Variants in MTHFD1L observed in about 807,000 individuals in gnomAD.
MTHFD1L encodes monofunctional C1-tetrahydrofolate synthase, mitochondrial.
MTHFD1L carries 81 observed loss-of-function variants against 119.5 expected under a neutral mutation model. That is an observed-to-expected ratio of 0.68 (90% confidence interval 0.57 to 0.82). MTHFD1L has a LOEUF of 0.82. Ranked by LOEUF, MTHFD1L falls within the 40% of genes least tolerant of loss-of-function variation. MTHFD1L has a pLI of 0.00. For missense variants in MTHFD1L, 1,125 were observed against 1,253.4 expected (o/e 0.90, Z 1.55); for synonymous variants, 430 against 475.2 (o/e 0.90, Z 1.24).
intron 26 of MTHFD1L, among the ~76,000 whole-genome samples, chr6:151,071,137 A>G (rs6923669): frequency 0.13 from 20,043 of 152,246 alleles, 2,022 homozygotes; most frequent in East Asian, 0.55. Context: ...GCTTGAGGTT[A>G]AACTTTTGTG....
At chr6:150,917,935 G>T (rs924191631) in intron 8 of MTHFD1L, among the ~76,000 whole-genome samples, 62 of 152,096 alleles carry the variant, frequency 4.1e-4, no homozygotes, top group African/African-American at 1.4e-3. Flanking sequence ...GAATACTTGG[G>T]CTCGTGTGAA....
intron 9 of MTHFD1L, among the ~76,000 whole-genome samples, chr6:150,920,251 T>C (rs1788672255): frequency 6.6e-6 from 1 of 152,214 alleles, no homozygotes; most frequent in South Asian, 2.1e-4. Context: ...TTGTCCTCAC[T>C]TCTTCAAGAC....
intron 10 of MTHFD1L, among the ~76,000 whole-genome samples, chr6:150,922,732 C>T (rs563011250): frequency 6.7e-6 from 1 of 149,170 alleles, no homozygotes; most frequent in African/African-American, 2.5e-5. Context: ...CAACCTCTAC[C>T]TCCCAGGTTC....
At position 150,995,200 on chromosome 6, in the gene MTHFD1L, T is replaced by C. The variant is rs185771465; in HGVS notation, c.2126-14619T>C. ...GGAACATGAGAATTATTCCTGATTT[T>C]TGTTACTTTTTGTCCTGTAAAATAT... On this transcript the variant is annotated intron_variant, in intron 20 of 27. Transcript: ENST00000367321. Among the ~76,000 whole-genome samples the C allele has an allele frequency of 7.2e-5, 11 of 152,180 alleles. No homozygotes were observed. The East Asian group carries it at 2.1e-3, about 30-fold the overall frequency.
At chr6:151,000,634 A>C (rs1349773576) in intron 20 of MTHFD1L, among the ~76,000 whole-genome samples, 1 of 152,200 alleles carries the variant, frequency 6.6e-6, no homozygotes, top group African/African-American at 2.4e-5. Flanking sequence ...AGTTAATTGA[A>C]TGATTTATCC....
intron 26 of MTHFD1L, among the ~76,000 whole-genome samples, chr6:151,089,322 C>T (rs1466116550): frequency 6.6e-6 from 1 of 152,242 alleles, no homozygotes; most frequent in African/African-American, 2.4e-5. Context: ...CCTTCTATAG[C>T]TGGGTGCAGT....
intron 11 of MTHFD1L, among the ~76,000 whole-genome samples, chr6:150,931,317 G>A (rs2128922566): frequency 7.2e-6 from 1 of 139,744 alleles, no homozygotes; most frequent in African/African-American, 2.7e-5. Context: ...TACCCGATTG[G>A]ATTTTTTAAA....
intron 9 of MTHFD1L, among the ~76,000 whole-genome samples, chr6:150,921,912 A>AAT (rs1177450124): frequency 6.6e-6 from 1 of 152,234 alleles, no homozygotes; most frequent in Non-Finnish European, 1.5e-5. Flanking sequence ...TGGATCATCA[A>AAT]GTTCATGCAT....
chr6:150,917,886 AT>A (rs1788248170), intron 8 of MTHFD1L, among the ~76,000 whole-genome samples: 1 of 152,102 alleles, frequency 6.6e-6, no homozygotes, highest in African/African-American at 2.4e-5. Flanking sequence ...CTCTTGAGCT[AT>A]TATTTCTATC....
intron 27 of MTHFD1L, among the ~76,000 whole-genome samples, chr6:151,095,383 A>G (rs1157449253): frequency 1.3e-5 from 2 of 152,066 alleles, no homozygotes; most frequent in Admixed American, 1.3e-4. Context: ...CATTTCTGCC[A>G]TTTGTCATTT....
intron 20 of MTHFD1L, among the ~76,000 whole-genome samples, chr6:150,993,409 C>G (rs1456187793): frequency 6.6e-6 from 1 of 151,946 alleles, no homozygotes; most frequent in Non-Finnish European, 1.5e-5. Flanking sequence ...CAGCCTCCTC[C>G]TCCCAGGCTC....
At chr6:151,003,668 T>G (rs1355992023) in intron 20 of MTHFD1L, among the ~76,000 whole-genome samples, 2 of 152,190 alleles carry the variant, frequency 1.3e-5, no homozygotes, top group Non-Finnish European at 1.5e-5. Flanking sequence ...ACACAGATGA[T>G]TGTGTGTAAA....
At chr6:150,969,840 T>C (rs544351726) in intron 19 of MTHFD1L, among the ~76,000 whole-genome samples, 1 of 152,332 alleles carries the variant, frequency 6.6e-6, no homozygotes, top group African/African-American at 2.4e-5. Flanking sequence ...CTTCAGGATG[T>C]TCCGTGTCAT....
chr6:151,031,880 A>G (rs887908484), intron 24 of MTHFD1L, among the ~76,000 whole-genome samples: 1 of 152,160 alleles, frequency 6.6e-6, no homozygotes, highest in African/African-American at 2.4e-5. Flanking sequence ...TGTGGTAGGA[A>G]TATAATTTTA....
At chr6:151,094,593 G>T (rs562542876) in intron 27 of MTHFD1L, among the ~76,000 whole-genome samples, 1 of 152,134 alleles carries the variant, frequency 6.6e-6, no homozygotes, top group South Asian at 2.1e-4. Context: ...GCCAAGGCTG[G>T]AGTGCAGCGG....
chr6:151,045,230 T>G lies in MTHFD1L; in HGVS notation c.2847+8113T>G, dbSNP rs554213870. Among the ~76,000 whole-genome samples, 3 of 152,224 alleles carry G rather than the reference T, an allele frequency of 2.0e-5. 1 individual carries two copies. In the East Asian group the frequency reaches 5.8e-4, roughly 29 times the overall value. On this transcript the variant is annotated intron_variant, in intron 26 of 27. Coordinates refer to ENST00000367321, the MANE Select transcript of MTHFD1L (RefSeq NM_015440.5). ...TCCAGAGATTTACGGCCAGTTACAA[T>G]GAGACAATTAAACATTCACCCCCCC...
intron 8 of MTHFD1L, among the ~76,000 whole-genome samples, chr6:150,912,097 T>C (rs1755511819): frequency 6.6e-6 from 1 of 151,978 alleles, no homozygotes; most frequent in Admixed American, 6.6e-5. Context: ...GGGATGGCGC[T>C]AAGCCTTTCA....
intron 4 of MTHFD1L, among the ~76,000 whole-genome samples, chr6:150,880,639 A>G (rs1431144508): frequency 6.6e-6 from 1 of 152,230 alleles, no homozygotes; most frequent in Non-Finnish European, 1.5e-5. Context: ...TGGCTGGGTC[A>G]TATGGTAGTT....
At chr6:151,043,700 C>T (rs1322447946) in intron 26 of MTHFD1L, among the ~76,000 whole-genome samples, 4 of 152,118 alleles carry the variant, frequency 2.6e-5, no homozygotes, top group South Asian at 2.1e-4. Flanking sequence ...ACTTAGAATA[C>T]GCACCCTTTT....
Sources: gnomAD v4.1 joint callset for allele counts (sites outside exome capture counted in the v4.1 genomes callset) on GRCh38, gnomAD v4.1.1 for gene constraint, MANE v1.5 for transcripts, NCBI Gene and HGNC (gene_info 2026-07-23, HGNC 2026-07-21) for gene names.